The following CLMP variants were observed in gnomAD, a reference collection of about 807,000 sequenced individuals.
CLMP encodes the protein CXADR-like membrane protein.
In CLMP, 27 loss-of-function variants were observed where a neutral mutation model predicts 45.2. The ratio of observed to expected loss-of-function variants is 0.60; its 90% CI spans 0.44 to 0.82. The LOEUF is 0.82. Ranked by LOEUF, CLMP falls within the 40% of genes least tolerant of loss-of-function variation. CLMP has a pLI of 0.00. For missense variants in CLMP, 403 were observed against 448.4 expected (o/e 0.90, Z 0.91); for synonymous variants, 167 against 171.4 (o/e 0.97, Z 0.20).
intron 1 of CLMP, among the ~76,000 whole-genome samples, chr11:123,101,692 C>T (rs1866063055): frequency 6.6e-6 from 1 of 152,176 alleles, no homozygotes; most frequent in South Asian, 2.1e-4. Flanking sequence ...TTCCCTTTCC[C>T]TTAATTATTC....
chr11:123,143,189 G>A (rs772594997), intron 1 of CLMP, among the ~76,000 whole-genome samples: 3 of 152,136 alleles, frequency 2.0e-5, no homozygotes, highest in Non-Finnish European at 4.4e-5. Flanking sequence ...CAGGAGCCAC[G>A]TTTCACTGTC....
chr11:123,142,406 G>A (rs1309031960), intron 1 of CLMP, among the ~76,000 whole-genome samples: 6 of 152,084 alleles, frequency 3.9e-5, no homozygotes, highest in Non-Finnish European at 8.8e-5. Context: ...GGGACTTGTC[G>A]TTGAAATGCA....
intron 1 of CLMP, among the ~76,000 whole-genome samples, chr11:123,170,663 A>T (rs963711927): frequency 1.3e-5 from 2 of 152,094 alleles, no homozygotes; most frequent in Non-Finnish European, 2.9e-5. Flanking sequence ...CTGGTCTCGA[A>T]CTACTGAGCT....
chr11:123,172,112 A>G (rs902335401), intron 1 of CLMP, among the ~76,000 whole-genome samples: 3 of 152,190 alleles, frequency 2.0e-5, no homozygotes, highest in Admixed American at 2.0e-4. Flanking sequence ...ATATTTGATT[A>G]TATAGATTCA....
chr11:123,139,238 C>T (rs1327399345), intron 1 of CLMP, among the ~76,000 whole-genome samples: 1 of 151,762 alleles, frequency 6.6e-6, no homozygotes, highest in African/African-American at 2.4e-5. Flanking sequence ...GTTTTCAACT[C>T]AACAGGAACC....
At chr11:123,139,008 T>C (rs143211732) in intron 1 of CLMP, among the ~76,000 whole-genome samples, 2 of 152,242 alleles carry the variant, frequency 1.3e-5, no homozygotes, top group East Asian at 3.9e-4. Context: ...GTTACTGTTT[T>C]CTGACACATA....
intron 1 of CLMP, among the ~76,000 whole-genome samples, chr11:123,146,960 T>C (rs1591477144): frequency 6.6e-6 from 1 of 152,210 alleles, no homozygotes; most frequent in Non-Finnish European, 1.5e-5. Context: ...TTCCTTTGCT[T>C]CACATTCAGC....
chr11:123,151,851 G>C (rs542359779), intron 1 of CLMP, among the ~76,000 whole-genome samples: 60 of 152,226 alleles, frequency 3.9e-4, no homozygotes, highest in African/African-American at 1.4e-3. Flanking sequence ...TGTTGGTAGG[G>C]CTGGTTTCCT....
chr11:123,142,159 A>G (rs1861170560), intron 1 of CLMP, among the ~76,000 whole-genome samples: 1 of 151,876 alleles, frequency 6.6e-6, no homozygotes. Flanking sequence ...TAATTTTTGT[A>G]CTTTTTGTAG....
chr11:123,182,592 T>C (rs1305334314), intron 1 of CLMP, among the ~76,000 whole-genome samples: 1 of 152,164 alleles, frequency 6.6e-6, no homozygotes, highest in Non-Finnish European at 1.5e-5. Context: ...TGGTTCCTAT[T>C]ATATGCTTTA....
chr11:123,093,738 A>T (rs779561025), intron 2 of CLMP, among the ~76,000 whole-genome samples: 21 of 152,140 alleles, frequency 1.4e-4, no homozygotes, highest in Non-Finnish European at 2.9e-4. Flanking sequence ...ATGGGAGAAA[A>T]ATGAACATCA....
intron 1 of CLMP, among the ~76,000 whole-genome samples, chr11:123,134,720 A>G (rs1007228447): frequency 6.6e-6 from 1 of 152,002 alleles, no homozygotes; most frequent in Non-Finnish European, 1.5e-5. Context: ...AGGCACAAGA[A>G]TCGCTTGAAC....
At chr11:123,173,688 G>A (rs1288845348) in intron 1 of CLMP, among the ~76,000 whole-genome samples, 1 of 152,104 alleles carries the variant, frequency 6.6e-6, no homozygotes, top group Non-Finnish European at 1.5e-5. Flanking sequence ...TGCAGATGAG[G>A]AAACTGAAGC....
intron 1 of CLMP, among the ~76,000 whole-genome samples, chr11:123,157,282 T>C (rs1303575577): frequency 6.6e-6 from 1 of 152,096 alleles, no homozygotes; most frequent in Non-Finnish European, 1.5e-5. Flanking sequence ...GGGCGTGGCG[T>C]GGTGGCTTAT....
chr11:123,097,642 T>G (rs768785758), intron 2 of CLMP, among the ~76,000 whole-genome samples, 153 bp downstream of exon 2: 1 of 152,200 alleles, frequency 6.6e-6, no homozygotes, highest in Non-Finnish European at 1.5e-5. Flanking sequence ...CTCTTTCTTC[T>G]CTATAGTTTT....
chr11:123,123,353 G>A (rs957759471), intron 1 of CLMP, among the ~76,000 whole-genome samples: 13 of 146,306 alleles, frequency 8.9e-5, no homozygotes, highest in Admixed American at 4.9e-4. Context: ...TCCACCTCCC[G>A]GGTTCAAGCC....
chr11:123,118,967 T>TCTC (rs1565387764), intron 1 of CLMP, among the ~76,000 whole-genome samples: 4 of 44,634 alleles, frequency 9.0e-5, no homozygotes, highest in African/African-American at 1.9e-4. Flanking sequence ...CTTTCTTTCT[T>TCTC]TCTTTCTTTC....
chr11:123,180,600 TAAA>T (rs11353703), intron 1 of CLMP, among the ~76,000 whole-genome samples: 37 of 137,148 alleles, frequency 2.7e-4, no homozygotes, highest in Non-Finnish European at 2.2e-4. Context: ...TGCATAGGAG[TAAA>T]AAAAAAAAAA....
At chr11:123,077,426 G>T (rs765823164) in intron 5 of CLMP, among the ~76,000 whole-genome samples, 2 of 152,136 alleles carry the variant, frequency 1.3e-5, no homozygotes, top group Non-Finnish European at 2.9e-5. Context: ...CTGCCTCCCG[G>T]GTTCAAGTGA....
Sources: allele counts gnomAD v4.1 joint callset (sites outside exome capture counted in the v4.1 genomes callset), GRCh38; gene constraint gnomAD v4.1.1; transcripts MANE v1.5; gene names NCBI Gene and HGNC (gene_info 2026-07-23, HGNC 2026-07-21).